CCDC60: variants seen among roughly 807,000 people sequenced by gnomAD.
CCDC60 encodes coiled-coil domain-containing protein 60.
Under a neutral mutation model 63.5 loss-of-function variants are expected in CCDC60, and 54 were observed. That is an observed-to-expected ratio of 0.85 (90% CI 0.68 to 1.07). The LOEUF (loss-of-function observed/expected upper bound fraction) is 1.07, where lower values mean the gene tolerates loss of function less well. Ranked by LOEUF, CCDC60 falls within the 50% of genes least tolerant of loss-of-function variation. The pLI, the probability that CCDC60 is intolerant of heterozygous loss-of-function variation, is 0.00. For missense variants in CCDC60, 651 were observed against 684.3 expected, an observed-to-expected ratio of 0.95 and a Z score of 0.54; for synonymous variants, 206 against 238.8, an observed-to-expected ratio of 0.86 and a Z score of 1.27.
At chr12:119,381,127 G>A (rs757068327) in intron 1 of CCDC60, among the ~76,000 whole-genome samples, 3 of 152,128 alleles carry the variant, frequency 2.0e-5, no homozygotes, top group African/African-American at 2.4e-5. Flanking sequence ...CTTCTGTTAC[G>A]GTAATCAGTG....
chr12:119,412,766 C>T lies in CCDC60; in HGVS notation c.91-15917C>T, dbSNP rs986052100. ...GAAAAGACAGGTAAAGCCCCCCACCCCCCCCCACCCCCCCATGCAGGAATG... is the reference window on the plus strand; with the variant it reads ...GAAAAGACAGGTAAAGCCCCCCACCTCCCCCCACCCCCCCATGCAGGAATG... On this transcript the variant is annotated intron_variant, in intron 1 of 13. Transcript: ENST00000327554. 9.5e-4 allele frequency among the ~76,000 whole-genome samples: 113 copies of T among 118,932 alleles called. 1 individual carries two copies. Among genetic ancestry groups the T allele is most frequent in the Admixed American group, 3.0e-3 (33 of 10,904 alleles). The allele number at this position is 118,932 out of a possible 152,430, so 78.0% of individuals were successfully genotyped here.
chr12:119,405,570 A>G (rs920439551), intron 1 of CCDC60, among the ~76,000 whole-genome samples: 18 of 152,182 alleles, frequency 1.2e-4, no homozygotes, highest in African/African-American at 4.3e-4. Context: ...AACCAAAAAC[A>G]AATATCATCA....
At chr12:119,374,809 C>G (rs1016476956) in intron 1 of CCDC60, among the ~76,000 whole-genome samples, 1 of 152,146 alleles carries the variant, frequency 6.6e-6, no homozygotes, top group African/African-American at 2.4e-5. Flanking sequence ...AGGGTTCCTC[C>G]TCCTTTTAGA....
intron 2 of CCDC60, among the ~76,000 whole-genome samples, chr12:119,466,583 G>A (rs528446682): frequency 6.6e-6 from 1 of 152,218 alleles, no homozygotes; most frequent in East Asian, 1.9e-4. Context: ...CCCTATATCT[G>A]GGCAAGTTGA....
chr12:119,404,133 C>CA lies in CCDC60; in HGVS notation c.91-24544dup, dbSNP rs1240320032. 2.0e-5 allele frequency among the ~76,000 whole-genome samples: 3 copies of CA among 152,236 alleles called. No individual in the cohort carries two copies. In the East Asian group the frequency reaches 5.8e-4, roughly 29 times the overall value. On this transcript the variant is annotated intron_variant, in intron 1 of 13. Coordinates refer to ENST00000327554, the MANE Select transcript of CCDC60 (RefSeq NM_178499.5). ...CGAAACTCTGTCTCTACTAAAAATA[C>CA]AAAAAAGTTAGCTGGGCATGGTTGC...
At chr12:119,492,042 C>A (rs1438964397) in intron 5 of CCDC60, among the ~76,000 whole-genome samples, 1 of 152,166 alleles carries the variant, frequency 6.6e-6, no homozygotes, top group Non-Finnish European at 1.5e-5. Context: ...AGAATTCTAT[C>A]AGCGCTCCGA....
chr12:119,519,339 A>C (rs1019616132), intron 8 of CCDC60, among the ~76,000 whole-genome samples: 2 of 151,198 alleles, frequency 1.3e-5, no homozygotes, highest in Non-Finnish European at 2.9e-5. Context: ...GAAAAATACA[A>C]ATTTCTACGC....
chr12:119,393,863 A>AC (rs1364747111), intron 1 of CCDC60, among the ~76,000 whole-genome samples: 1 of 152,218 alleles, frequency 6.6e-6, no homozygotes, highest in Non-Finnish European at 1.5e-5. Flanking sequence ...TTCTGGTGCA[A>AC]CAGGGCTACA....
chr12:119,488,308 CTTAGT>C (rs953123364), intron 4 of CCDC60, among the ~76,000 whole-genome samples: 1 of 152,112 alleles, frequency 6.6e-6, no homozygotes, highest in African/African-American at 2.4e-5. Flanking sequence ...TTTACACACT[CTTAGT>C]TTATTTATTG....
chr12:119,422,815 T>C (rs991389135), intron 1 of CCDC60, among the ~76,000 whole-genome samples: 1 of 152,222 alleles, frequency 6.6e-6, no homozygotes, highest in Non-Finnish European at 1.5e-5. Flanking sequence ...CCTGATTTTC[T>C]ATTAGGTTGG....
At chr12:119,470,541 G>A (rs1449774601) in intron 2 of CCDC60, among the ~76,000 whole-genome samples, 2 of 152,178 alleles carry the variant, frequency 1.3e-5, no homozygotes, top group Admixed American at 6.5e-5. Flanking sequence ...AGAGTCCCCC[G>A]ATGAAATGAA....
At chr12:119,360,684 T>C (rs1169541965) in intron 1 of CCDC60, among the ~76,000 whole-genome samples, 6 of 150,800 alleles carry the variant, frequency 4.0e-5, no homozygotes, top group African/African-American at 7.3e-5. Flanking sequence ...CCTCACTTCC[T>C]AGATGTGATG....
Position 119,416,530 on chromosome 12 carries a change from A to T in CCDC60, c.91-12153A>T, listed in dbSNP as rs2136208039. Among the ~76,000 whole-genome samples, 3 of 152,346 alleles carry T rather than the reference A, an allele frequency of 2.0e-5. 1 individual carries two copies. In the South Asian group the frequency reaches 6.2e-4, roughly 32 times the overall value. ...GAAGTTCTTTATTACTGAGGCCCTT[A>T]CACAAAGAACAAATAGAACTTACAC... On this transcript the variant is annotated intron_variant, in intron 1 of 13. Coordinates refer to ENST00000327554, the MANE Select transcript of CCDC60 (RefSeq NM_178499.5).
At chr12:119,501,976 T>C (rs1951864221) in intron 6 of CCDC60, among the ~76,000 whole-genome samples, 2 of 152,192 alleles carry the variant, frequency 1.3e-5, no homozygotes, top group Admixed American at 1.3e-4. Context: ...ACCTATAAAA[T>C]GAGGACTTTG....
rs184014897 is a variant in CCDC60, at chr12:119,540,764, A to G, written c.*49A>G. 3,496 of 1,311,552 alleles carry G rather than the reference A, an allele frequency of 2.7e-3. 8 individuals carry two copies. The highest frequency in any genetic ancestry group is 3.5e-3 in the Non-Finnish European group (3,157 of 911,430). The allele number at this position is 1,311,552 out of a possible 1,614,324, so 81.2% of individuals were successfully genotyped here. A position where few individuals can be genotyped will look rare whatever the true frequency, so the allele number is the denominator to read the frequency against. Reference sequence around the variant, plus strand: ...TCTCAGTGGAGGAGTGTTTGCCTATATCATGTTCCTGTATCCTGCCTGTGT... The same window carrying G: ...TCTCAGTGGAGGAGTGTTTGCCTATGTCATGTTCCTGTATCCTGCCTGTGT... On this transcript the variant is annotated 3_prime_UTR_variant, in exon 14 of 14. Transcript: ENST00000327554.
intron 6 of CCDC60, among the ~76,000 whole-genome samples, chr12:119,502,067 G>A (rs1951867225): frequency 6.6e-6 from 1 of 152,054 alleles, no homozygotes; most frequent in Admixed American, 6.5e-5. Context: ...TGTTCATAGG[G>A]GCCAGGCAAA....
chr12:119,494,260 C>A (rs1375609506), intron 5 of CCDC60, among the ~76,000 whole-genome samples: 2 of 152,180 alleles, frequency 1.3e-5, no homozygotes, highest in Non-Finnish European at 2.9e-5. Context: ...ACCCCTGTGG[C>A]CATCTTCCCT....
intron 1 of CCDC60, among the ~76,000 whole-genome samples, chr12:119,428,275 A>T (rs1956934545): frequency 6.6e-6 from 1 of 152,322 alleles, no homozygotes; most frequent in South Asian, 2.1e-4. Context: ...TTTGCTCTAA[A>T]GTGTAATGCT....
intron 1 of CCDC60, among the ~76,000 whole-genome samples, chr12:119,361,784 T>C: frequency 6.6e-6 from 1 of 152,216 alleles, no homozygotes; most frequent in Non-Finnish European, 1.5e-5. Context: ...GCCCAAAATG[T>C]GCACCAATAA....
Sources: gnomAD v4.1 joint callset for allele counts (sites outside exome capture counted in the v4.1 genomes callset) on GRCh38, gnomAD v4.1.1 for gene constraint, MANE v1.5 for transcripts, NCBI Gene and HGNC (gene_info 2026-07-23, HGNC 2026-07-21) for gene names.